The following ALKBH5 variants were observed in gnomAD, a reference collection of about 807,000 sequenced individuals.
ALKBH5 encodes the protein alkB homolog 5, RNA demethylase.
A neutral mutation model predicts 32.1 loss-of-function variants in ALKBH5; 2 were observed. The observed-to-expected ratio is 0.06, with a 90% CI of 0.03 to 0.20. ALKBH5 has a LOEUF of 0.20. ALKBH5 is among the 10% of genes least tolerant of loss of function. ALKBH5 has a pLI of 1.00. For missense variants in ALKBH5, 352 were observed against 559.5 expected (o/e 0.63, Z 3.74); for synonymous variants, 300 against 231.7 (o/e 1.29, Z -2.68).
At chr17:18,186,716 T>G (rs2047141902) in intron 1 of ALKBH5, among the ~76,000 whole-genome samples, 1 of 152,192 alleles carries the variant, frequency 6.6e-6, no homozygotes. Flanking sequence ...AATAGTAAAG[T>G]CCTAAAGCTT....
intron 2 of ALKBH5, among the ~76,000 whole-genome samples, chr17:18,196,430 A>T (rs1217545078): frequency 6.6e-6 from 1 of 152,170 alleles, no homozygotes; most frequent in Non-Finnish European, 1.5e-5. Context: ...CATGTTGGCC[A>T]AGCTGGTCTC....
At chr17:18,206,573 A>G (rs2047270020) in intron 2 of ALKBH5, 3 of 447,534 alleles carry the variant, frequency 6.7e-6, no homozygotes, top group South Asian at 3.3e-5. Flanking sequence ...ACAGCCTGTC[A>G]TTGGGAGTTT....
chr17:18,199,019 T>G (rs1291083921), intron 2 of ALKBH5, among the ~76,000 whole-genome samples: 1 of 152,152 alleles, frequency 6.6e-6, no homozygotes, highest in Non-Finnish European at 1.5e-5. Context: ...CCCCAGTGTG[T>G]CGTTGGGATG....
chr17:18,195,128 A>G, intron 2 of ALKBH5, 93 bp downstream of exon 2: 1 of 1,002,388 alleles, frequency 1.0e-6, no homozygotes. Flanking sequence ...CCTATGTATC[A>G]GTGGCATGGC....
rs2047269338 is a variant in ALKBH5, at chr17:18,206,414, C to CCTT, written c.852-399_852-397dup. 9.1e-5 allele frequency: 15 copies of CCTT among 164,372 alleles called. No individual in the cohort carries two copies. In the South Asian group the frequency reaches 2.6e-3, roughly 28 times the overall value. 10.2% of individuals were successfully genotyped at this position (164,372 alleles called of 1,614,324 possible). ...CCCTCTACAGGCCTGGACCAGGGATCCTTCCTGTGTTGGGACCCACCAGTG... is the reference window on the plus strand; with the variant it reads ...CCCTCTACAGGCCTGGACCAGGGATCCTTCTTCCTGTGTTGGGACCCACCAGTG... On this transcript the variant is annotated intron_variant, in intron 2 of 3. Transcript: ENST00000399138.
At chr17:18,189,044 G>GC (rs998514862) in intron 1 of ALKBH5, among the ~76,000 whole-genome samples, 2 of 151,138 alleles carry the variant, frequency 1.3e-5, no homozygotes, top group African/African-American at 4.9e-5. Context: ...TCCAGCCTGT[G>GC]CTGTAGAGTG....
chr17:18,200,254 C>CT (rs1464963831), intron 2 of ALKBH5, among the ~76,000 whole-genome samples: 1 of 151,782 alleles, frequency 6.6e-6, no homozygotes, highest in Non-Finnish European at 1.5e-5. Context: ...ATATAGGGGA[C>CT]TTCTGTAGAT....
In ALKBH5 at chr17:18,184,651, C is replaced by T; in HGVS notation, c.408C>T (p.Gly136=). ...CACTGCGCAACAAGTACTTCTTCGGCGAAGGCTACACTTACGGCGCCCAGC... is the reference window on the plus strand; with the variant it reads ...CACTGCGCAACAAGTACTTCTTCGGTGAAGGCTACACTTACGGCGCCCAGC... ...RAPLRNKYFF[G]EGYTYGAQLQ... Residue 136 remains glycine (G), a synonymous_variant, in exon 1 of 4, where the codon GGC becomes GGT. Transcript: ENST00000399138. The T allele has an allele frequency of 2.5e-6, 4 of 1,613,030 alleles. No individual in the cohort carries two copies. The highest frequency in any genetic ancestry group is 1.1e-5 in the South Asian group (1 of 91,086).
chr17:18,201,532 C>T (rs2047236087), intron 2 of ALKBH5, among the ~76,000 whole-genome samples: 2 of 152,094 alleles, frequency 1.3e-5, no homozygotes, highest in African/African-American at 4.8e-5. Flanking sequence ...CCGAGGTGGG[C>T]GGATTGCCTG....
At chr17:18,190,213 G>A (rs907421117) in intron 1 of ALKBH5, among the ~76,000 whole-genome samples, 5 of 152,178 alleles carry the variant, frequency 3.3e-5, no homozygotes, top group South Asian at 2.1e-4. Flanking sequence ...TTCCAAGACC[G>A]TCCCCTAGAG....
intron 2 of ALKBH5, among the ~76,000 whole-genome samples, chr17:18,200,583 CTG>C (rs2047230780): frequency 6.6e-6 from 1 of 152,156 alleles, no homozygotes; most frequent in African/African-American, 2.4e-5. Context: ...GTGCTAGGCT[CTG>C]TGCTAGTACC....
intron 2 of ALKBH5, among the ~76,000 whole-genome samples, chr17:18,202,078 C>T (rs1309150772): frequency 2.0e-5 from 3 of 151,834 alleles, no homozygotes; most frequent in Non-Finnish European, 4.4e-5. Flanking sequence ...GAGGCTGAGG[C>T]GGGCGGATCG....
intron 1 of ALKBH5, among the ~76,000 whole-genome samples, chr17:18,189,521 G>A (rs1180030710): frequency 6.6e-6 from 1 of 152,192 alleles, no homozygotes; most frequent in African/African-American, 2.4e-5. Context: ...GGGTGTACGT[G>A]TGCCCTTTGG....
At position 18,207,000 on chromosome 17, in the gene ALKBH5, T is replaced by TGGCAAAGGCC. The variant is rs779242820; in HGVS notation, c.1007+31_1007+40dup. On this transcript the variant is annotated intron_variant, in intron 3 of 3. Coordinates refer to ENST00000399138, the MANE Select transcript of ALKBH5 (RefSeq NM_017758.4). Reference sequence around the variant, plus strand: ...TCAGTTTAGGACCCTCAGCAAAGGCTGGCAAAGGCCTGGCTGCAGGGTGAG... The same window carrying TGGCAAAGGCC: ...TCAGTTTAGGACCCTCAGCAAAGGCTGGCAAAGGCCGGCAAAGGCCTGGCTGCAGGGTGAG... The TGGCAAAGGCC allele has an allele frequency of 7.3e-5, 118 of 1,607,378 alleles. 1 individual carries two copies. The highest frequency in any genetic ancestry group is 2.5e-4 in the Admixed American group (15 of 59,504).
intron 1 of ALKBH5, among the ~76,000 whole-genome samples, chr17:18,186,253 G>A (rs1012283007): frequency 1.3e-5 from 2 of 152,206 alleles, no homozygotes; most frequent in Non-Finnish European, 2.9e-5. Flanking sequence ...GGACAGCCTA[G>A]CTGTCAGATG....
At chr17:18,201,183 TC>T (rs2047234597) in intron 2 of ALKBH5, among the ~76,000 whole-genome samples, 1 of 152,202 alleles carries the variant, frequency 6.6e-6, no homozygotes, top group African/African-American at 2.4e-5. Flanking sequence ...TTGGTGTTGC[TC>T]CTTTCTCCAT....
At chr17:18,202,919 C>T (rs2047250173) in intron 2 of ALKBH5, among the ~76,000 whole-genome samples, 1 of 151,750 alleles carries the variant, frequency 6.6e-6, no homozygotes, top group Non-Finnish European at 1.5e-5. Flanking sequence ...ACTAAAAATA[C>T]AAAAATTAGC....
In ALKBH5 at chr17:18,208,405, G is replaced by T. The variant is rs1359605284; in HGVS notation, c.*9G>T. 6 of 1,611,094 alleles carry T rather than the reference G, an allele frequency of 3.7e-6. No homozygotes were observed. The highest frequency in any genetic ancestry group is 3.4e-5 in the Admixed American group (2 of 59,288). On this transcript the variant is annotated 3_prime_UTR_variant, in exon 4 of 4. Coordinates refer to ENST00000399138, the MANE Select transcript of ALKBH5 (RefSeq NM_017758.4). ...AGATGCGGCGGCACTGAGTCTACCC[G>T]CCGCCCTCCTGGGAACTCTGGCTCA...
At chr17:18,192,557 G>A (rs889962128) in intron 1 of ALKBH5, among the ~76,000 whole-genome samples, 2 of 152,146 alleles carry the variant, frequency 1.3e-5, no homozygotes, top group African/African-American at 2.4e-5. Flanking sequence ...TGAAGAAACT[G>A]TACAGGTTTT....
Sources: allele counts gnomAD v4.1 joint callset (sites outside exome capture counted in the v4.1 genomes callset), GRCh38; gene constraint gnomAD v4.1.1; transcripts MANE v1.5; gene names NCBI Gene and HGNC (gene_info 2026-07-23, HGNC 2026-07-21).